RBFOX1: variants seen among roughly 807,000 people sequenced by gnomAD.
The protein encoded by RBFOX1 is RNA binding fox-1 homolog 1, also known as RNA binding protein fox-1 homolog 1.
Under a neutral mutation model 57.7 loss-of-function variants are expected in RBFOX1, and 8 were observed. That is an observed-to-expected ratio of 0.14 (90% CI 0.08 to 0.25). The LOEUF is 0.25. Among genes scored for constraint, RBFOX1 ranks in the 10% least tolerant of loss-of-function variants. The probability of loss-of-function intolerance (pLI) is 1.00; values close to 1 mark genes in which losing one functional copy is unlikely to be tolerated. For synonymous variants in RBFOX1, 326 were observed against 222.4 expected, an observed-to-expected ratio of 1.47 and a Z score of -4.15; for missense variants, 611 against 548.5, an observed-to-expected ratio of 1.11 and a Z score of -1.14.
At chr16:6,577,577 G>C (rs1009468565) in intron 2 of RBFOX1, among the ~76,000 whole-genome samples, 1 of 152,152 alleles carries the variant, frequency 6.6e-6, no homozygotes, top group Non-Finnish European at 1.5e-5. Context: ...GAGGTTCTGG[G>C]ACACTCTACA....
At chr16:6,568,266 C>G (rs2097295423) in intron 2 of RBFOX1, among the ~76,000 whole-genome samples, 1 of 152,160 alleles carries the variant, frequency 6.6e-6, no homozygotes, top group African/African-American at 2.4e-5. Flanking sequence ...AGTACATCAG[C>G]TGGGGCAGCC....
At chr16:5,703,020 C>G (rs2051107581) in intron 3 of RBFOX1, among the ~76,000 whole-genome samples, 1 of 152,134 alleles carries the variant, frequency 6.6e-6, no homozygotes, top group Non-Finnish European at 1.5e-5. Flanking sequence ...ATTGTGTCAT[C>G]TGGTAAATAG....
intron 3 of RBFOX1, among the ~76,000 whole-genome samples, chr16:6,950,869 CTCTT>C (rs1387411529): frequency 2.0e-5 from 3 of 151,428 alleles, no homozygotes; most frequent in South Asian, 2.1e-4. Context: ...GTTTTTGTCT[CTCTT>C]TCTCTCTTTC....
chr16:5,782,662 A>G (rs2054362145), intron 3 of RBFOX1, among the ~76,000 whole-genome samples: 1 of 152,294 alleles, frequency 6.6e-6, no homozygotes, highest in African/African-American at 2.4e-5. Context: ...GAGTGTGGGT[A>G]TGTGTATGCA....
At chr16:7,139,073 G>C (rs551276445) in intron 4 of RBFOX1, among the ~76,000 whole-genome samples, 14 of 152,128 alleles carry the variant, frequency 9.2e-5, no homozygotes, top group Non-Finnish European at 1.9e-4. Flanking sequence ...CAAAGTGCTG[G>C]GATTACAGGC....
intron 3 of RBFOX1, among the ~76,000 whole-genome samples, chr16:5,791,056 A>G (rs996086135): frequency 4.0e-5 from 6 of 151,862 alleles, no homozygotes; most frequent in Non-Finnish European, 7.4e-5. Flanking sequence ...TGTAGTAGAG[A>G]TGGAGTTTCA....
At chr16:6,954,916 T>G (rs1036522889) in intron 3 of RBFOX1, among the ~76,000 whole-genome samples, 6 of 152,092 alleles carry the variant, frequency 3.9e-5, no homozygotes, top group African/African-American at 1.4e-4. Flanking sequence ...CCTAAACTTA[T>G]TAGGCTATTT....
chr16:5,267,273 C>T (rs2062882577), intron 1 of RBFOX1, among the ~76,000 whole-genome samples: 1 of 150,416 alleles, frequency 6.6e-6, no homozygotes, highest in Non-Finnish European at 1.5e-5. Context: ...AACATTAATT[C>T]TGTTACAAGG....
At chr16:7,229,651 GA>G (rs2093364137) in intron 4 of RBFOX1, among the ~76,000 whole-genome samples, 4 of 111,720 alleles carry the variant, frequency 3.6e-5, no homozygotes, top group Non-Finnish European at 6.2e-5. Context: ...AAGGGAGAGA[GA>G]GGGAGGAAGG....
At chr16:6,771,953 A>G (rs8047232) in intron 3 of RBFOX1, among the ~76,000 whole-genome samples, 93,453 of 151,748 alleles carry the variant, frequency 0.62, 29,078 homozygotes, top group East Asian at 0.69. Context: ...TGTGTAGAAT[A>G]GCTATATAAG....
intron 1 of RBFOX1, among the ~76,000 whole-genome samples, chr16:6,284,477 A>G (rs1444587735): frequency 6.6e-6 from 1 of 152,190 alleles, no homozygotes; most frequent in Non-Finnish European, 1.5e-5. Flanking sequence ...AGCCTGCAGA[A>G]CTGCAGGTGG....
intron 4 of RBFOX1, chr16:7,332,790 C>T (rs572061003): frequency 1.7e-5 from 24 of 1,396,836 alleles, no homozygotes; most frequent in Admixed American, 8.8e-5. Context: ...GCTGCTGTGT[C>T]TCTTCGTCGT....
chr16:6,231,076 G>T (rs1434831627), intron 1 of RBFOX1, among the ~76,000 whole-genome samples: 3 of 152,236 alleles, frequency 2.0e-5, no homozygotes, highest in East Asian at 3.9e-4. Flanking sequence ...TTAAAGAAGG[G>T]TCTATTTGGG....
At chr16:5,672,543 A>G (rs2050043263) in intron 3 of RBFOX1, among the ~76,000 whole-genome samples, 1 of 152,240 alleles carries the variant, frequency 6.6e-6, no homozygotes, top group South Asian at 2.1e-4. Flanking sequence ...GGAAACAGTA[A>G]GTGCGCCACG....
intron 3 of RBFOX1, among the ~76,000 whole-genome samples, chr16:6,889,935 C>G (rs117139091): frequency 1.3e-5 from 2 of 152,138 alleles, no homozygotes; most frequent in African/African-American, 2.4e-5. Flanking sequence ...CTCATAGCCA[C>G]GTATTTCAGT....
upstream of RBFOX1, among the ~76,000 whole-genome samples, chr16:6,014,980 C>T (rs773461786): frequency 8.6e-5 from 13 of 151,916 alleles, no homozygotes. Context: ...CTCAGCCTCC[C>T]AAGTAGCTGA....
At chr16:6,063,682 A>C (rs903516154) in intron 1 of RBFOX1, among the ~76,000 whole-genome samples, 1 of 152,144 alleles carries the variant, frequency 6.6e-6, no homozygotes, top group African/African-American at 2.4e-5. Flanking sequence ...TTATAATGCC[A>C]TTAGCATGAG....
At chr16:6,259,455 T>A (rs2097688408) in intron 1 of RBFOX1, among the ~76,000 whole-genome samples, 1 of 152,138 alleles carries the variant, frequency 6.6e-6, no homozygotes, top group African/African-American at 2.4e-5. Context: ...TGTGTCCACT[T>A]TCTTCTTTTA....
intron 2 of RBFOX1, among the ~76,000 whole-genome samples, chr16:5,548,169 AAAAAAATATATATATATATATATAT>A (rs2045303006): frequency 4.6e-5 from 2 of 43,094 alleles, no homozygotes; most frequent in Non-Finnish European, 9.5e-5. Context: ...AAAAAAAAAA[AAAAAAATATATATATATATATATAT>A]ATATATATAT....
Sources: gnomAD v4.1 joint callset for allele counts (sites outside exome capture counted in the v4.1 genomes callset) on GRCh38, gnomAD v4.1.1 for gene constraint, MANE v1.5 for transcripts, NCBI Gene and HGNC (gene_info 2026-07-23, HGNC 2026-07-21) for gene names.